Variants in GGN observed in about 807,000 individuals in gnomAD.
GGN encodes gametogenetin.
GGN carries 27 observed loss-of-function variants against 35.5 expected under a neutral mutation model. That is an observed-to-expected ratio of 0.76 (90% confidence interval 0.56 to 1.05). GGN has a LOEUF of 1.05. Among genes scored for constraint, GGN ranks in the 50% least tolerant of loss-of-function variants. GGN has a pLI of 0.00. For missense variants in GGN, 1,006 were observed against 940.7 expected, an observed-to-expected ratio of 1.07 and a Z score of -0.91; for synonymous variants, 425 against 444.1, an observed-to-expected ratio of 0.96 and a Z score of 0.54.
chr19:38,386,818 G>A lies in GGN; in HGVS notation c.444C>T (p.Pro148=). 2 of 1,608,584 alleles carry A rather than the reference G, an allele frequency of 1.2e-6. No homozygotes were observed. Among genetic ancestry groups the A allele is most frequent in the Non-Finnish European group, 1.7e-6 (2 of 1,176,984 alleles). The change falls in exon 3 of 4, where the codon CCC becomes CCT. Residue 148 remains proline (P), a synonymous_variant. Transcript: ENST00000334928. ...CAGTGTCCTTCACGGATAGTTGCCG[G>A]GGCGGCGGCGGCGGCTTCAGCGGGC... The part of the protein sequence containing the change: ...SLRPLKPPPP[P]RQLSVKDTVP...
Position 38,386,000 on chromosome 19 carries a change from G to T in GGN, c.1262C>A (p.Pro421His). The T allele has an allele frequency of 1.2e-6, 2 of 1,607,150 alleles. No homozygotes were observed. ...LAPPTFIFPA[P>H]TNGEPMRPGP... ...CGGGCGCATGGGCTCGCCATTGGTGGGTGCTGGGAAGATGAACGTAGGCGG... is the reference window on the plus strand; with the variant it reads ...CGGGCGCATGGGCTCGCCATTGGTGTGTGCTGGGAAGATGAACGTAGGCGG... Residue 421 changes from proline to histidine, a missense_variant, in exon 3 of 4, where the codon CCC (proline) becomes CAC (histidine). Physicochemically the swap from Pro to His is moderately conservative, Grantham distance 77. Transcript: ENST00000334928.
chr19:38,386,104 A>C lies in GGN; in HGVS notation c.1158T>G (p.Pro386=), dbSNP rs763230344. ...CTGGTGGTGGCGGAGGGGAGCCCCAAGGCCCAGAGAGTGCGGCCGCACGCC... is the reference window on the plus strand; with the variant it reads ...CTGGTGGTGGCGGAGGGGAGCCCCACGGCCCAGAGAGTGCGGCCGCACGCC... ...PRRRAAALSG[P]WGSPPPPPEQ... is the part of the protein sequence containing the mutation. Residue 386 remains proline, a synonymous_variant, in exon 3 of 4, where the codon CCT becomes CCG. Transcript: ENST00000334928. 1.0e-5 allele frequency: 16 copies of C among 1,582,038 alleles called. No individual in the cohort carries two copies. In the East Asian group the frequency reaches 3.7e-4, roughly 36 times the overall value.
rs539863620 is a variant in GGN at position 38,386,477 on chromosome 19, A to G, written c.785T>C (p.Leu262Ser). ...SLAPPAASSSLAAKASLGGGG... is the reference protein window; with the variant it reads ...SLAPPAASSSSAAKASLGGGG... Reference sequence around the variant, plus strand: ...GCCCCCCAGCGAAGCTTTGGCTGCTAAGGAACTCGAGGCTGCCGGAGGGGC... The same window carrying G: ...GCCCCCCAGCGAAGCTTTGGCTGCTGAGGAACTCGAGGCTGCCGGAGGGGC... Residue 262 changes from leucine (L) to serine (S), a missense_variant, in exon 3 of 4, where the codon TTA becomes TCA. By Grantham distance (145) the Leu-to-Ser change is moderately radical. Transcript: ENST00000334928. 3 of 1,612,916 alleles carry G rather than the reference A, an allele frequency of 1.9e-6. No homozygotes were observed. The highest frequency in any genetic ancestry group is 1.3e-5 in the African/African-American group (1 of 75,072).
Position 38,386,900 on chromosome 19 carries a change from C to T in GGN, c.362G>A (p.Arg121Gln), listed in dbSNP as rs1970739653. 3 of 1,565,026 alleles carry T rather than the reference C, an allele frequency of 1.9e-6. No homozygotes were observed. Among genetic ancestry groups the T allele is most frequent in the Admixed American group, 3.8e-5 (2 of 52,980 alleles). ...WQKPAGTPVP[R>Q]IRRLLEASHR... The stretch of plus-strand genomic sequence containing the variant: ...GCTCGCCTCCAGCAGGCGGCGGATC[C>T]GGGGAACTGGAGTGCCCGCGGGCTT... Residue 121 changes from arginine (R) to glutamine (Q), a missense_variant, in exon 3 of 4, where the codon CGG becomes CAG. Coordinates refer to ENST00000334928, the MANE Select transcript of GGN (RefSeq NM_152657.4).
rs748381695 is a variant in GGN at position 38,385,846 on chromosome 19, C to T, written c.1416G>A (p.Lys472=). The change falls in exon 3 of 4, where the codon AAG becomes AAA. Residue 472 remains lysine, a synonymous_variant. Coordinates refer to ENST00000334928, the MANE Select transcript of GGN (RefSeq NM_152657.4). ...CTGCGGTGGGAGCCAGGGCTGACTC[C>T]TTGTGGCCCAGACCCGGGGTGAGCG... ...APPLTPGLGH[K]ESALAPTAAP... 5 of 1,542,336 alleles carry T rather than the reference C, an allele frequency of 3.2e-6. No individual in the cohort carries two copies. The highest frequency in any genetic ancestry group is 1.4e-5 in the African/African-American group (1 of 72,958).
Position 38,385,979 on chromosome 19 carries a change from C to T in GGN, c.1283G>A (p.Arg428His), listed in dbSNP as rs202154445. ...FPAPTNGEPMRPGPPGLQELP... is the reference protein window; with the variant it reads ...FPAPTNGEPMHPGPPGLQELP... ...CTCCTGCAGGCCTGGAGGCCCCGGG[C>T]GCATGGGCTCGCCATTGGTGGGTGC... The change falls in exon 3 of 4, where the codon CGC (arginine) becomes CAC (histidine). Residue 428 changes from arginine to histidine, a missense_variant. Physicochemically the swap from Arg to His is conservative, Grantham distance 29. Coordinates refer to ENST00000334928, the MANE Select transcript of GGN (RefSeq NM_152657.4). The T allele has an allele frequency of 8.7e-5, 139 of 1,605,656 alleles. No homozygotes were observed. The African/African-American group carries it at 1.7e-3, about 20-fold the overall frequency.
rs181858508 is a variant in GGN at position 38,387,448 on chromosome 19, G to A, written c.-19-168C>T. On this transcript the variant is annotated intron_variant, in intron 2 of 3. Transcript: ENST00000334928. The surrounding 1 kb of genome is among the most constrained non-coding windows in gnomAD (Gnocchi z 5.3). The stretch of plus-strand genomic sequence containing the variant: ...CTGTTCCCCGACCTTCGACACTCAC[G>A]CCTTCTTGCCCATGTCCCCAACACA... Among the ~76,000 whole-genome samples, 25 of 152,104 alleles carry A rather than the reference G, an allele frequency of 1.6e-4. No individual in the cohort carries two copies. Among genetic ancestry groups the A allele is most frequent in the African/African-American group, 6.0e-4 (25 of 41,480 alleles).
chr19:38,386,910 G>T lies in GGN; in HGVS notation c.352C>A (p.Pro118Thr), dbSNP rs1289310428. ...AGCAGGCGGCGGATCCGGGGAACTGGAGTGCCCGCGGGCTTTTGCCATTTA... is the reference window on the plus strand; with the variant it reads ...AGCAGGCGGCGGATCCGGGGAACTGTAGTGCCCGCGGGCTTTTGCCATTTA... Reference protein sequence around the residue: ...PSKWQKPAGTPVPRIRRLLEA... With the variant: ...PSKWQKPAGTTVPRIRRLLEA... Residue 118 changes from proline to threonine, a missense_variant, in exon 3 of 4, where the codon CCA becomes ACA. Pro to Thr is a conservative substitution (Grantham distance 38, BLOSUM62 -1). Transcript: ENST00000334928. 1.3e-6 allele frequency: 2 copies of T among 1,556,946 alleles called. No homozygotes were observed. Among genetic ancestry groups the T allele is most frequent in the Admixed American group, 3.8e-5 (2 of 52,092 alleles).
chr19:38,387,030 C>G lies in GGN; in HGVS notation c.232G>C (p.Glu78Gln). The G allele has an allele frequency of 6.4e-7, 1 of 1,553,948 alleles. No homozygotes were observed. The part of the protein sequence containing the change: ...ASPSTLPLTL[E>Q]RPSPVMPPPE... ...GGGGGCATCACTGGAGAGGGCCGTT[C>G]TAAGGTGAGGGGCAGGGTCGAGGGT... The change falls in exon 3 of 4, where the codon GAA (glutamate) becomes CAA (glutamine). Residue 78 changes from glutamate (E) to glutamine (Q), a missense_variant. Glu to Gln is a conservative substitution (Grantham distance 29, BLOSUM62 2). Coordinates refer to ENST00000334928, the MANE Select transcript of GGN (RefSeq NM_152657.4). The surrounding 1 kb of genome is among the most constrained non-coding windows in gnomAD (Gnocchi z 5.3).
chr19:38,385,580 C>A lies in GGN; in HGVS notation c.1682G>T (p.Gly561Val). 1.2e-6 allele frequency: 2 copies of A among 1,614,172 alleles called. No homozygotes were observed. The highest frequency in any genetic ancestry group is 1.7e-6 in the Non-Finnish European group (2 of 1,180,020). The change falls in exon 3 of 4, where the codon GGT (glycine) becomes GTT (valine). Residue 561 changes from glycine to valine, a missense_variant. By Grantham distance (109) the Gly-to-Val change is moderately radical. Transcript: ENST00000334928. The stretch of plus-strand genomic sequence containing the variant: ...GGCCCCGCTGCCACCACCCCCTCCA[C>A]CACTGCTGTCAGGCACGGTAGCTGT... ...RATATVPDSS[G>V]GGGGGSGASQ...
In GGN at chr19:38,384,413, C is replaced by A; in HGVS notation, c.1958G>T (p.Ter653LeuextTer2). 6.2e-7 allele frequency: 1 copy of A among 1,610,092 alleles called. No homozygotes were observed. The highest frequency in any genetic ancestry group is 8.5e-7 in the Non-Finnish European group (1 of 1,176,498). Residue 653 changes from the stop codon to leucine, a stop_lost, in exon 4 of 4, where the codon TGA (stop) becomes TTA (leucine). Coordinates refer to ENST00000334928, the MANE Select transcript of GGN (RefSeq NM_152657.4). The part of the protein sequence containing the change: ...HYDLQATHSN[*>L] ...TGGAGGGTGTTGAGCCGACTACACT[C>A]AGTTGGAATGGGTGGCCTGCAAGTC...
chr19:38,386,464 A>G lies in GGN; in HGVS notation c.798T>C (p.Ala266=), dbSNP rs1970725692. The G allele has an allele frequency of 1.9e-6, 3 of 1,612,926 alleles. No individual in the cohort carries two copies. The highest frequency in any genetic ancestry group is 2.7e-5 in the African/African-American group (2 of 75,072). ...PAASSSLAAK[A]SLGGGGGGGL... ...CGCCGCCTCCGCCGCCCCCCAGCGA[A>G]GCTTTGGCTGCTAAGGAACTCGAGG... The change falls in exon 3 of 4, where the codon GCT becomes GCC. Residue 266 remains alanine, a synonymous_variant. Transcript: ENST00000334928.
intron 3 of GGN, among the ~76,000 whole-genome samples, chr19:38,384,736 AG>A (rs757392350): frequency 6.6e-6 from 1 of 152,220 alleles, no homozygotes; most frequent in African/African-American, 2.4e-5. Flanking sequence ...CAAGAGGTCC[AG>A]GGCAGTCTCC....
rs761785173 is a variant in GGN, at chr19:38,386,977, T to C, written c.285A>G (p.Ala95=). The part of the protein sequence containing the change: ...PPPEEAAAVS[A]PPPAPAGTLL... ...GAGTCCCCGCGGGGGCCGGGGGTGGTGCAGAGACCGCGGCCGCCTCTTCAG... is the reference window on the plus strand; with the variant it reads ...GAGTCCCCGCGGGGGCCGGGGGTGGCGCAGAGACCGCGGCCGCCTCTTCAG... Residue 95 remains alanine (A), a synonymous_variant, in exon 3 of 4, where the codon GCA becomes GCG. Coordinates refer to ENST00000334928, the MANE Select transcript of GGN (RefSeq NM_152657.4). 32 of 1,539,764 alleles carry C rather than the reference T, an allele frequency of 2.1e-5. No homozygotes were observed. Among genetic ancestry groups the C allele is most frequent in the African/African-American group, 1.8e-4 (13 of 72,684 alleles).
chr19:38,386,458 C>T lies in GGN; in HGVS notation c.804G>A (p.Leu268=). Residue 268 remains leucine (L), a synonymous_variant, in exon 3 of 4, where the codon CTG becomes CTA. Transcript: ENST00000334928. ...ASSSLAAKAS[L]GGGGGGGLFA... is the part of the protein sequence containing the mutation. ...AGAGGCCGCCGCCTCCGCCGCCCCC[C>T]AGCGAAGCTTTGGCTGCTAAGGAAC... 2 of 1,612,888 alleles carry T rather than the reference C, an allele frequency of 1.2e-6. No individual in the cohort carries two copies. Among genetic ancestry groups the T allele is most frequent in the Non-Finnish European group, 1.7e-6 (2 of 1,179,996 alleles).
Position 38,387,071 on chromosome 19 carries a change from C to G in GGN, c.191G>C (p.Arg64Pro). Residue 64 changes from arginine to proline, a missense_variant, in exon 3 of 4, where the codon CGG becomes CCG. Physicochemically the swap from Arg to Pro is moderately radical, Grantham distance 103. Coordinates refer to ENST00000334928, the MANE Select transcript of GGN (RefSeq NM_152657.4). The surrounding 1 kb of genome is among the most constrained non-coding windows in gnomAD (Gnocchi z 5.3). The part of the protein sequence containing the change: ...SATPPGLMVP[R>P]EPQASPSTLP... ...GGTCGAGGGTGAGGCCTGGGGCTCC[C>G]GGGGTACCATGAGTCCCGGGGGTGT... 1 of 1,557,308 alleles carries G rather than the reference C, an allele frequency of 6.4e-7. No individual in the cohort carries two copies. The highest frequency in any genetic ancestry group is 8.7e-7 in the Non-Finnish European group (1 of 1,150,274).
intron 3 of GGN, among the ~76,000 whole-genome samples, chr19:38,384,834 G>A (rs1970681995): frequency 6.6e-6 from 1 of 152,164 alleles, no homozygotes; most frequent in South Asian, 2.1e-4. Flanking sequence ...GCTGGAGGAT[G>A]CATTGTCCCC....
In GGN at chr19:38,385,756, G is replaced by A; in HGVS notation, c.1506C>T (p.Pro502=). 2 of 1,500,572 alleles carry A rather than the reference G, an allele frequency of 1.3e-6. No homozygotes were observed. The highest frequency in any genetic ancestry group is 1.8e-6 in the Non-Finnish European group (2 of 1,104,742). 93.0% of individuals were successfully genotyped at this position (1,500,572 alleles called of 1,614,324 possible). A position where few individuals can be genotyped will look rare whatever the true frequency, so the allele number is the denominator to read the frequency against. ...QAPAPSPAPA[P]TVAEPSPPVS... Reference sequence around the variant, plus strand: ...CAGGCGGCGAGGGCTCAGCCACGGTGGGAGCTGGAGCCGGGGATGGGGCCG... The same window carrying A: ...CAGGCGGCGAGGGCTCAGCCACGGTAGGAGCTGGAGCCGGGGATGGGGCCG... The change falls in exon 3 of 4, where the codon CCC becomes CCT. Residue 502 remains proline, a synonymous_variant. Transcript: ENST00000334928.
chr19:38,384,360 G>T lies in GGN; in HGVS notation c.*52C>A. The T allele has an allele frequency of 7.5e-7, 1 of 1,324,654 alleles. No individual in the cohort carries two copies. Among genetic ancestry groups the T allele is most frequent in the Non-Finnish European group, 1.1e-6 (1 of 919,550 alleles). The allele number at this position is 1,324,654 out of a possible 1,614,324, so 82.1% of individuals were successfully genotyped here. On this transcript the variant is annotated 3_prime_UTR_variant, in exon 4 of 4. Transcript: ENST00000334928. ...TTGACAGGCTGCTGGCATCTGGATT[G>T]GTTATTTTATTGGCATGGAGGGGAA...
Sources: allele counts gnomAD v4.1 joint callset (sites outside exome capture counted in the v4.1 genomes callset), GRCh38; gene constraint gnomAD v4.1.1; non-coding constraint Gnocchi (gnomAD v3.1); transcripts MANE v1.5; gene names NCBI Gene and HGNC (gene_info 2026-07-23, HGNC 2026-07-21).